Variants in PPL observed in about 807,000 individuals in gnomAD.
PPL encodes the protein periplakin.
Under a neutral mutation model 194.4 loss-of-function variants are expected in PPL, and 198 were observed. The observed-to-expected ratio is 1.02, with a 90% CI of 0.91 to 1.15. The LOEUF (loss-of-function observed/expected upper bound fraction) is 1.15. Among genes scored for constraint, PPL ranks in the 50% most tolerant of loss-of-function variants. The probability of loss-of-function intolerance (pLI) is 0.00; values close to 1 mark genes in which losing one functional copy is unlikely to be tolerated. For missense variants in PPL, 2,885 were observed against 2,294.8 expected, an observed-to-expected ratio of 1.26 and a Z score of -5.25; for synonymous variants, 1,220 against 972.4, an observed-to-expected ratio of 1.25 and a Z score of -4.74.
At chr16:4,930,257 G>C (rs2089210196) in intron 1 of PPL, among the ~76,000 whole-genome samples, 2 of 152,182 alleles carry the variant, frequency 1.3e-5, no homozygotes, top group Admixed American at 6.5e-5. Context: ...GGCTGGGTCA[G>C]GGCCCTCCTT....
Position 4,884,931 on chromosome 16 carries a change from G to A in PPL, c.3724C>T (p.Pro1242Ser). 6.2e-7 allele frequency: 1 copy of A among 1,614,014 alleles called. No homozygotes were observed. Among genetic ancestry groups the A allele is most frequent in the Non-Finnish European group, 8.5e-7 (1 of 1,180,002 alleles). The change falls in exon 22 of 22, where the codon CCT (proline) becomes TCT (serine). Residue 1242 changes from proline to serine, a missense_variant. Physicochemically the swap from Pro to Ser is moderately conservative, Grantham distance 74. Transcript: ENST00000345988. This position sits in a 1 kb window ranked among gnomAD's most constrained non-coding sequence, Gnocchi z 5.7. ...TKEVIKYKTD[P>S]EMEKELQRLR... is the part of the protein sequence containing the mutation. ...CGCTGAAGCTCCTTCTCCATCTCAGGGTCAGTCTTGTACTTAATGACTTCC... is the reference window on the plus strand; with the variant it reads ...CGCTGAAGCTCCTTCTCCATCTCAGAGTCAGTCTTGTACTTAATGACTTCC...
chr16:4,921,070 C>T (rs1223242079), intron 1 of PPL, among the ~76,000 whole-genome samples: 2 of 152,196 alleles, frequency 1.3e-5, no homozygotes, highest in African/African-American at 2.4e-5. Context: ...CGAGTCACCT[C>T]GAGTCGACTG....
At position 4,900,984 on chromosome 16, in the gene PPL, G is replaced by T; in HGVS notation, c.544C>A (p.Leu182Met). Residue 182 changes from leucine to methionine, a missense_variant, in exon 5 of 22, where the codon CTG becomes ATG. Leu to Met is a conservative substitution (Grantham distance 15, BLOSUM62 2). Transcript: ENST00000345988. ...CCCACCTTGTCCCCGTCCTTGGCCA[G>T]GTGGGGCCCGATGGCCTTGACCTCA... ...HNEVKAIGPH[L>M]AKDGDKEQNS... The T allele has an allele frequency of 6.2e-7, 1 of 1,614,186 alleles. No homozygotes were observed. Among genetic ancestry groups the T allele is most frequent in the South Asian group, 1.1e-5 (1 of 91,084 alleles).
intron 1 of PPL, among the ~76,000 whole-genome samples, chr16:4,911,973 A>C (rs2088828800): frequency 6.6e-6 from 1 of 152,178 alleles, no homozygotes; most frequent in African/African-American, 2.4e-5. Flanking sequence ...AGTAGCTGGG[A>C]CCACTGGCAC....
chr16:4,908,950 T>C (rs1353931929), intron 2 of PPL, among the ~76,000 whole-genome samples: 1 of 152,230 alleles, frequency 6.6e-6, no homozygotes, highest in East Asian at 1.9e-4. Flanking sequence ...CAAAAGATGT[T>C]TTCCATTTAA....
chr16:4,918,846 G>A lies in PPL; in HGVS notation c.63-7897C>T, dbSNP rs559506992. 2.0e-5 allele frequency among the ~76,000 whole-genome samples: 3 copies of A among 152,292 alleles called. No homozygotes were observed. In the East Asian group the frequency reaches 5.8e-4, roughly 29 times the overall value. Reference sequence around the variant, plus strand: ...AGGAAGCCAGCAGGAATGTGGGTGGGGCAGGAACCTGCAGGAAAGGGGACA... The same window carrying A: ...AGGAAGCCAGCAGGAATGTGGGTGGAGCAGGAACCTGCAGGAAAGGGGACA... On this transcript the variant is annotated intron_variant, in intron 1 of 21. Transcript: ENST00000345988.
chr16:4,884,606 A>G lies in PPL; in HGVS notation c.4049T>C (p.Val1350Ala), dbSNP rs764668681. 9.3e-6 allele frequency: 15 copies of G among 1,613,556 alleles called. 1 individual carries two copies. In the Admixed American group the frequency reaches 2.2e-4, roughly 23 times the overall value. Reference sequence around the variant, plus strand: ...ATACCTGACCACCTCCTGCTGCACCACCCTTTCCTTCACCCGCGAGAGCTC... The same window carrying G: ...ATACCTGACCACCTCCTGCTGCACCGCCCTTTCCTTCACCCGCGAGAGCTC... ...EEELSRVKER[V>A]VQQEVVRYEE... The change falls in exon 22 of 22, where the codon GTG (valine) becomes GCG (alanine). Residue 1350 changes from valine to alanine, a missense_variant. By Grantham distance (64) the Val-to-Ala change is moderately conservative. Coordinates refer to ENST00000345988, the MANE Select transcript of PPL (RefSeq NM_002705.5). The surrounding 1 kb of genome is among the most constrained non-coding windows in gnomAD (Gnocchi z 5.7).
chr16:4,912,873 G>T (rs1358145247), intron 1 of PPL, among the ~76,000 whole-genome samples: 2 of 152,202 alleles, frequency 1.3e-5, no homozygotes, highest in African/African-American at 4.8e-5. Context: ...GGAGGCCAAG[G>T]CGGGCGAATC....
chr16:4,897,471 C>T (rs2088454011), intron 9 of PPL, among the ~76,000 whole-genome samples: 1 of 152,116 alleles, frequency 6.6e-6, no homozygotes, highest in African/African-American at 2.4e-5. Flanking sequence ...GGCCCTGGTC[C>T]CCAGGGAAGT....
rs981262499 is a variant in PPL, at chr16:4,886,132, C to T, written c.2608-85G>A. On this transcript the variant is annotated intron_variant, in intron 21 of 21. Coordinates refer to ENST00000345988, the MANE Select transcript of PPL (RefSeq NM_002705.5). ...GTCCCCACCTGGTCAGAGTGGCTGT[C>T]CTGTGGTCCCCAAGGGACTCCCTCA... is the stretch of plus-strand genomic sequence containing the variant. The T allele has an allele frequency of 9.0e-6, 14 of 1,551,598 alleles. No individual in the cohort carries two copies. In the African/African-American group the frequency reaches 1.9e-4, roughly 21 times the overall value.
intron 2 of PPL, among the ~76,000 whole-genome samples, chr16:4,909,667 T>C (rs1332207358): frequency 1.3e-5 from 2 of 152,044 alleles, no homozygotes; most frequent in African/African-American, 4.8e-5. Context: ...CCTCAAGTGA[T>C]CTACCCACCT....
intron 1 of PPL, among the ~76,000 whole-genome samples, chr16:4,925,130 A>G (rs1012108162): frequency 6.6e-6 from 1 of 152,154 alleles, no homozygotes; most frequent in African/African-American, 2.4e-5. Context: ...TGGAACGCAC[A>G]GGAGGGTACA....
chr16:4,932,873 C>T (rs1297817212), intron 1 of PPL, among the ~76,000 whole-genome samples: 1 of 152,104 alleles, frequency 6.6e-6, no homozygotes, highest in Non-Finnish European at 1.5e-5. Flanking sequence ...GCTGTTGTCA[C>T]CCCACCTCAT....
At chr16:4,931,780 C>T (rs556797630) in intron 1 of PPL, among the ~76,000 whole-genome samples, 16 of 152,288 alleles carry the variant, frequency 1.1e-4, no homozygotes, top group African/African-American at 3.6e-4. Flanking sequence ...AGGGTGTGGA[C>T]GGAGCTGAGT....
chr16:4,926,618 G>A (rs1487385494), intron 1 of PPL, among the ~76,000 whole-genome samples: 11 of 152,180 alleles, frequency 7.2e-5, no homozygotes, highest in African/African-American at 2.4e-4. Context: ...ACTCATGCCT[G>A]TAATCCCAGC....
At chr16:4,909,434 T>TTTTTTTTG (rs2088774469) in intron 2 of PPL, among the ~76,000 whole-genome samples, 1 of 116,450 alleles carries the variant, frequency 8.6e-6, no homozygotes, top group Non-Finnish European at 2.0e-5. Flanking sequence ...CTTTTTTTTT[T>TTTTTTTTG]TTTTTTTTTT....
In PPL at chr16:4,922,440, T is replaced by C. The variant is rs376805708; in HGVS notation, c.63-11491A>G. 1.4e-4 allele frequency among the ~76,000 whole-genome samples: 22 copies of C among 152,134 alleles called. No homozygotes were observed. In the East Asian group the frequency reaches 4.3e-3, roughly 29 times the overall value. Reference sequence around the variant, plus strand: ...ACTTTGGGAGGCTGAGGTGGGCAGATCACCTGAGGTCAGGAGTTCCAGACC... The same window carrying C: ...ACTTTGGGAGGCTGAGGTGGGCAGACCACCTGAGGTCAGGAGTTCCAGACC... On this transcript the variant is annotated intron_variant, in intron 1 of 21. Coordinates refer to ENST00000345988, the MANE Select transcript of PPL (RefSeq NM_002705.5).
intron 4 of PPL, among the ~76,000 whole-genome samples, chr16:4,901,323 A>G (rs555456808): frequency 1.3e-5 from 2 of 152,152 alleles, no homozygotes; most frequent in Admixed American, 6.5e-5. Flanking sequence ...TTACTGTCCC[A>G]TCTCTCAGAT....
Position 4,897,680 on chromosome 16 carries a change from G to A in PPL, c.967C>T (p.His323Tyr). ...CTCCCAGGAAAGGTAAGTACCTGGT[G>A]GTAGTCCTCCATGTACTTGAGGTGG... ...ESHLKYMEDY[H>Y]QFHEDVKDAQ... Residue 323 changes from histidine (H) to tyrosine (Y), a missense_variant, in exon 9 of 22, where the codon CAC (histidine) becomes TAC (tyrosine). Coordinates refer to ENST00000345988, the MANE Select transcript of PPL (RefSeq NM_002705.5). 6.2e-7 allele frequency: 1 copy of A among 1,613,232 alleles called. No homozygotes were observed.
Sources: gnomAD v4.1 joint callset for allele counts (sites outside exome capture counted in the v4.1 genomes callset) on GRCh38, gnomAD v4.1.1 for gene constraint, Gnocchi (gnomAD v3.1) non-coding constraint, MANE v1.5 for transcripts, NCBI Gene and HGNC (gene_info 2026-07-23, HGNC 2026-07-21) for gene names.